CIT: variants seen among roughly 807,000 people sequenced by gnomAD.
The protein encoded by CIT is citron rho-interacting serine/threonine kinase.
In CIT, 79 loss-of-function variants were observed where a neutral mutation model predicts 272.7. That is an observed-to-expected ratio of 0.29 (90% CI 0.24 to 0.35). CIT has a LOEUF of 0.35. CIT is among the 10% of genes least tolerant of loss of function. The pLI is 1.00. For synonymous variants in CIT, 948 were observed against 995.6 expected (o/e 0.95, Z 0.90); for missense variants, 1,909 against 2,618.3 (o/e 0.73, Z 5.91).
At chr12:119,738,886 G>GGA (rs1958922696) in intron 24 of CIT, among the ~76,000 whole-genome samples, 1 of 121,914 alleles carries the variant, frequency 8.2e-6, no homozygotes, top group African/African-American at 3.1e-5. Context: ...TCAATCTCCA[G>GGA]AAAAAAAAAA....
At chr12:119,806,265 A>G (rs1374562661) in intron 9 of CIT, among the ~76,000 whole-genome samples, 2 of 152,164 alleles carry the variant, frequency 1.3e-5, no homozygotes, top group East Asian at 3.8e-4. Context: ...TAGTCGGTCA[A>G]GTACAACAGG....
chr12:119,765,621 C>T (rs1962356456), intron 19 of CIT, among the ~76,000 whole-genome samples: 1 of 151,368 alleles, frequency 6.6e-6, no homozygotes, highest in Non-Finnish European at 1.5e-5. Flanking sequence ...CAGGTGCGTG[C>T]CACCACACCC....
intron 5 of CIT, among the ~76,000 whole-genome samples, chr12:119,845,546 A>G (rs1241945263): frequency 6.6e-6 from 1 of 150,610 alleles, no homozygotes; most frequent in African/African-American, 2.4e-5. Flanking sequence ...CCAGCTACTC[A>G]GGAGGCTGAG....
At chr12:119,872,597 T>C (rs1044336456) in intron 2 of CIT, among the ~76,000 whole-genome samples, 6 of 152,238 alleles carry the variant, frequency 3.9e-5, no homozygotes, top group Non-Finnish European at 8.8e-5. Context: ...TAAGTCTTCC[T>C]GTTATAATGA....
intron 2 of CIT, among the ~76,000 whole-genome samples, chr12:119,869,686 G>T (rs1251530710): frequency 6.6e-6 from 1 of 152,098 alleles, no homozygotes; most frequent in Non-Finnish European, 1.5e-5. Flanking sequence ...TCATGATCTG[G>T]AGAAATAGTT....
At chr12:119,737,022 T>C (rs1480147865) in intron 24 of CIT, among the ~76,000 whole-genome samples, 1 of 152,240 alleles carries the variant, frequency 6.6e-6, no homozygotes, top group Non-Finnish European at 1.5e-5. Flanking sequence ...TTTACTCATC[T>C]GCTTTTACCT....
rs182722286 is a variant in CIT, at chr12:119,810,601, G to C, written c.1112-7212C>G. Reference sequence around the variant, plus strand: ...TCCTGTAATCTCAGCTACTCGGGAGGCTGAGGCAGGAGAATCCCTCAAACC... The same window carrying C: ...TCCTGTAATCTCAGCTACTCGGGAGCCTGAGGCAGGAGAATCCCTCAAACC... On this transcript the variant is annotated intron_variant, in intron 9 of 47. Coordinates refer to ENST00000392521, the MANE Select transcript of CIT (RefSeq NM_001206999.2). 5.1e-4 allele frequency among the ~76,000 whole-genome samples: 77 copies of C among 151,824 alleles called. No homozygotes were observed. In the East Asian group the frequency reaches 0.014, roughly 28 times the overall value.
Position 119,687,945 on chromosome 12 carries a change from T to C in CIT, c.*287A>G, listed in dbSNP as rs537350650. The C allele has an allele frequency of 2.1e-5, 10 of 484,488 alleles. No individual in the cohort carries two copies. The highest frequency in any genetic ancestry group is 1.8e-4 in the Admixed American group (5 of 27,570). 30.0% of individuals were successfully genotyped at this position (484,488 alleles called of 1,614,324 possible). On this transcript the variant is annotated 3_prime_UTR_variant, in exon 48 of 48. Transcript: ENST00000392521. ...CTTTGATGAACTAACTGGTACAGGC[T>C]AGAGCTAGGTACAAAAGTTTGTGAA...
intron 40 of CIT, among the ~76,000 whole-genome samples, chr12:119,706,138 G>T (rs1057204036): frequency 1.3e-5 from 2 of 151,744 alleles, no homozygotes; most frequent in African/African-American, 2.4e-5. Flanking sequence ...GAACAAATGT[G>T]CAGTGTGCTC....
chr12:119,769,247 T>A (rs1962815998), intron 18 of CIT, among the ~76,000 whole-genome samples: 1 of 152,182 alleles, frequency 6.6e-6, no homozygotes, highest in Non-Finnish European at 1.5e-5. Flanking sequence ...TGCAGAACTC[T>A]CTACTCCTCC....
At chr12:119,721,975 T>C (rs1346730277) in intron 28 of CIT, among the ~76,000 whole-genome samples, 1 of 152,102 alleles carries the variant, frequency 6.6e-6, no homozygotes, top group Non-Finnish European at 1.5e-5. Flanking sequence ...AACAAGTACA[T>C]GAATAACCAC....
chr12:119,745,826 C>CAA (rs5801360), intron 23 of CIT, among the ~76,000 whole-genome samples: 1 of 151,932 alleles, frequency 6.6e-6, no homozygotes, highest in Non-Finnish European at 1.5e-5. Flanking sequence ...CATAAAATAC[C>CAA]AAAAATAGAT....
chr12:119,792,836 C>T (rs113454579), intron 10 of CIT, among the ~76,000 whole-genome samples: 3,429 of 152,086 alleles, frequency 0.023, 119 homozygotes, highest in African/African-American at 0.079. Flanking sequence ...GTGGCACGCA[C>T]CTGTAGTCCT....
At chr12:119,843,764 C>T (rs1232621895) in intron 5 of CIT, among the ~76,000 whole-genome samples, 2 of 151,830 alleles carry the variant, frequency 1.3e-5, no homozygotes, top group Non-Finnish European at 1.5e-5. Context: ...GAGCCAAGAT[C>T]GCGCCACTGC....
chr12:119,741,778 T>C (rs1302137845), intron 24 of CIT, among the ~76,000 whole-genome samples: 1 of 152,194 alleles, frequency 6.6e-6, no homozygotes, highest in Non-Finnish European at 1.5e-5. Context: ...TTTCAGTTCT[T>C]CACTCTCATC....
intron 37 of CIT, chr12:119,711,104 C>A: frequency 1.5e-6 from 2 of 1,366,584 alleles, no homozygotes; most frequent in Non-Finnish European, 2.0e-6. Flanking sequence ...CTATTGTACA[C>A]ATATTAACAA....
rs772283770 is a variant in CIT, at chr12:119,690,247, C to T, written c.6090G>A (p.Thr2030=). 4.5e-6 allele frequency: 7 copies of T among 1,564,774 alleles called. No homozygotes were observed. The highest frequency in any genetic ancestry group is 2.3e-5 in the South Asian group (2 of 86,316). Residue 2030 remains threonine, a synonymous_variant, in exon 47 of 48, where the codon ACG becomes ACA. Transcript: ENST00000392521. The surrounding 1 kb of genome is among the most constrained non-coding windows in gnomAD (Gnocchi z 6.0). ...GCCTCCCGGGGGACCGCTCTCTCCG[C>T]GTGCTGAGCATCCGGCCGGGGGACT... ...REKSPGRMLS[T]RRERSPGRLF...
chr12:119,695,192 C>A (rs1319279441), intron 46 of CIT, among the ~76,000 whole-genome samples: 2 of 152,180 alleles, frequency 1.3e-5, no homozygotes, highest in Non-Finnish European at 2.9e-5. Context: ...TTGCCCCATA[C>A]CCACTCCCCT....
chr12:119,864,001 A>G (rs1950444047), intron 3 of CIT, among the ~76,000 whole-genome samples: 1 of 152,184 alleles, frequency 6.6e-6, no homozygotes, highest in Non-Finnish European at 1.5e-5. Flanking sequence ...CACAACTGTC[A>G]GCAATGAATT....
Sources: gnomAD v4.1 joint callset for allele counts (sites outside exome capture counted in the v4.1 genomes callset) on GRCh38, gnomAD v4.1.1 for gene constraint, Gnocchi (gnomAD v3.1) non-coding constraint, MANE v1.5 for transcripts, NCBI Gene and HGNC (gene_info 2026-07-23, HGNC 2026-07-21) for gene names.